The following TXNRD3 variants were observed in gnomAD, a reference collection of about 807,000 sequenced individuals.
The protein encoded by TXNRD3 is thioredoxin reductase 3, also known as TXNRD3 neighbor gene protein.
In TXNRD3, 68 loss-of-function variants were observed where a neutral mutation model predicts 78.2. The ratio of observed to expected loss-of-function variants is 0.87; its 90% CI spans 0.72 to 1.06. The LOEUF (loss-of-function observed/expected upper bound fraction) is 1.06, where lower values mean the gene tolerates loss of function less well. Among genes scored for constraint, TXNRD3 ranks in the 50% least tolerant of loss-of-function variants. The pLI is 0.00. For synonymous variants in TXNRD3, 296 were observed against 300.1 expected (o/e 0.99, Z 0.14); for missense variants, 751 against 809.5 (o/e 0.93, Z 0.88).
intron 1 of TXNRD3, among the ~76,000 whole-genome samples, chr3:126,653,114 A>G (rs1426845487): frequency 6.6e-6 from 1 of 152,210 alleles, no homozygotes; most frequent in African/African-American, 2.4e-5. Context: ...GTTTATTTCA[A>G]TGTTTAATAT....
chr3:126,620,089 A>C (rs1938414220), intron 12 of TXNRD3, among the ~76,000 whole-genome samples: 2 of 152,054 alleles, frequency 1.3e-5, no homozygotes, highest in Admixed American at 1.3e-4. Flanking sequence ...AGGTTAGGAG[A>C]TTGAGACCAT....
Position 126,615,354 on chromosome 3 carries a change from C to A in TXNRD3, c.1632+1G>T. The A allele has an allele frequency of 2.1e-6, 3 of 1,407,376 alleles. No individual in the cohort carries two copies. Among genetic ancestry groups the A allele is most frequent in the South Asian group, 1.4e-5 (1 of 71,730 alleles). 87.2% of individuals were successfully genotyped at this position (1,407,376 alleles called of 1,614,324 possible). ...AAGGAAGTAATAAAACACAATCTTACTTCTAGATTCTCTTTTTTATATACT... is the reference window on the plus strand; with the variant it reads ...AAGGAAGTAATAAAACACAATCTTAATTCTAGATTCTCTTTTTTATATACT... On this transcript the variant is annotated splice_donor_variant, in intron 13 of 15. Transcript: ENST00000524230. LOFTEE classifies it high-confidence loss of function.
intron 6 of TXNRD3, among the ~76,000 whole-genome samples, chr3:126,634,692 C>T (rs567396183): frequency 3.9e-5 from 6 of 152,180 alleles, no homozygotes; most frequent in Non-Finnish European, 8.8e-5. Flanking sequence ...ACCTTGTCTA[C>T]AGATGCCAGA....
intron 12 of TXNRD3, 69 bp downstream of exon 12, chr3:126,621,673 T>A: frequency 7.4e-7 from 1 of 1,344,330 alleles, no homozygotes; most frequent in Non-Finnish European, 9.7e-7. Flanking sequence ...CACACAAGTT[T>A]TACTTGTATT....
chr3:126,648,964 T>C (rs1236480772), intron 1 of TXNRD3, among the ~76,000 whole-genome samples: 5 of 152,170 alleles, frequency 3.3e-5, no homozygotes, highest in African/African-American at 1.2e-4. Flanking sequence ...TGATCACACC[T>C]GTGAATAGCC....
At chr3:126,649,307 T>A (rs557875034) in intron 1 of TXNRD3, among the ~76,000 whole-genome samples, 1 of 152,310 alleles carries the variant, frequency 6.6e-6, no homozygotes, top group African/African-American at 2.4e-5. Flanking sequence ...TTCACATCCA[T>A]TAGGATAAGC....
At chr3:126,647,125 C>T in intron 2 of TXNRD3, 111 bp downstream of exon 2, 1 of 775,548 alleles carries the variant, frequency 1.3e-6, no homozygotes, top group Admixed American at 3.3e-5. Context: ...ACAAAAATGC[C>T]TCATTTAACC....
At position 126,644,419 on chromosome 3, in the gene TXNRD3, G is replaced by C. The variant is rs1416961825; in HGVS notation, c.415-18C>G. 6.6e-7 allele frequency: 1 copy of C among 1,504,916 alleles called. No individual in the cohort carries two copies. Among genetic ancestry groups the C allele is most frequent in the African/African-American group, 1.4e-5 (1 of 72,280 alleles). 93.2% of individuals were successfully genotyped at this position (1,504,916 alleles called of 1,614,324 possible). On this transcript the variant is annotated intron_variant, in intron 3 of 15. Transcript: ENST00000524230. ...TGATATGCCTATGGTTTAATTACAG[G>C]AGAAAGAACACTGCAGAATTTAAAG...
Position 126,655,000 on chromosome 3 carries a change from C to A in TXNRD3, c.-10G>T. On this transcript the variant is annotated 5_prime_UTR_variant, in exon 1 of 16. Transcript: ENST00000524230. ...GCGGCGACCGCTCCAGAGTCTCGCT[C>A]TCGCTCCTGGCCCGGCCGGGCCTGC... 1 of 1,302,566 alleles carries A rather than the reference C, an allele frequency of 7.7e-7. No homozygotes were observed. The highest frequency in any genetic ancestry group is 2.3e-5 in the South Asian group (1 of 43,792). 80.7% of individuals were successfully genotyped at this position (1,302,566 alleles called of 1,614,324 possible). A position where few individuals can be genotyped will look rare whatever the true frequency, so the allele number is the denominator to read the frequency against.
At chr3:126,617,487 T>G (rs1241317030) in intron 12 of TXNRD3, among the ~76,000 whole-genome samples, 1 of 152,164 alleles carries the variant, frequency 6.6e-6, no homozygotes, top group Non-Finnish European at 1.5e-5. Flanking sequence ...ATGCAAGGCC[T>G]TGGCAGGTAC....
chr3:126,637,215 T>G (rs933707542), intron 6 of TXNRD3, among the ~76,000 whole-genome samples: 1 of 152,230 alleles, frequency 6.6e-6, no homozygotes, highest in African/African-American at 2.4e-5. Context: ...ATATTTAACA[T>G]TATGACCACT....
chr3:126,638,213 G>C (rs13314870), intron 6 of TXNRD3, among the ~76,000 whole-genome samples: 89,175 of 151,818 alleles, frequency 0.59, 26,760 homozygotes, highest in Non-Finnish European at 0.65. Flanking sequence ...AAAGGACTGG[G>C]ATTACAGGCG....
chr3:126,631,014 G>C, intron 8 of TXNRD3, 77 bp from the exon 9 acceptor site: 1 of 1,333,244 alleles, frequency 7.5e-7, no homozygotes, highest in East Asian at 2.5e-5. Context: ...GTGTATAATG[G>C]TCTTGTGATG....
rs373529213 is a variant in TXNRD3 at position 126,630,860 on chromosome 3, G to A, written c.1049C>T (p.Ala350Val). Residue 350 changes from alanine to valine, a missense_variant, in exon 9 of 16, where the codon GCA (alanine) becomes GTA (valine). Transcript: ENST00000524230. ...TAGGCCAAAGCCAGCCAGAAACCCT[G>A]CACACTCCAGGGCAACATAAGAGGC... 1.3e-6 allele frequency: 2 copies of A among 1,535,926 alleles called. No homozygotes were observed. The highest frequency in any genetic ancestry group is 8.7e-7 in the Non-Finnish European group (1 of 1,146,844).
At chr3:126,628,224 A>G (rs1283121340) in intron 10 of TXNRD3, among the ~76,000 whole-genome samples, 1 of 152,098 alleles carries the variant, frequency 6.6e-6, no homozygotes, top group African/African-American at 2.4e-5. Flanking sequence ...ATATAACAAA[A>G]CCCTACAGAA....
intron 5 of TXNRD3, 78 bp downstream of exon 5, chr3:126,643,903 G>GT: frequency 7.5e-7 from 1 of 1,334,006 alleles, no homozygotes. Context: ...TGAGATTGTT[G>GT]TGAGGATTAA....
chr3:126,607,174 G>A lies in TXNRD3; in HGVS notation c.*731C>T, dbSNP rs1375913696. The A allele has an allele frequency of 6.6e-6, 1 of 152,150 alleles. No individual in the cohort carries two copies. The highest frequency in any genetic ancestry group is 6.5e-5 in the Admixed American group (1 of 15,276). The allele number at this position is 152,150 out of a possible 1,614,324, so 9.4% of individuals were successfully genotyped here. A position where few individuals can be genotyped will look rare whatever the true frequency, so the allele number is the denominator to read the frequency against. The stretch of plus-strand genomic sequence containing the variant: ...AAACTTTTGGAAATAATACTATTAA[G>A]ATGAACATGAAAAAGCAATTCAAGT... On this transcript the variant is annotated 3_prime_UTR_variant, in exon 16 of 16. Coordinates refer to ENST00000524230, the MANE Select transcript of TXNRD3 (RefSeq NM_052883.3).
chr3:126,637,932 C>CT (rs71615916), intron 6 of TXNRD3, among the ~76,000 whole-genome samples: 1,759 of 60,212 alleles, frequency 0.029, 348 homozygotes, highest in Non-Finnish European at 0.036. Flanking sequence ...ATTTCTCTCT[C>CT]TTTTTTTTTT....
rs924016939 is a variant in TXNRD3 at position 126,629,558 on chromosome 3, C to T, written c.1198-87G>A. On this transcript the variant is annotated intron_variant, in intron 9 of 15. Coordinates refer to ENST00000524230, the MANE Select transcript of TXNRD3 (RefSeq NM_052883.3). Reference sequence around the variant, plus strand: ...GGGTCTACACCGGTATGTTCGTGTACATTTGTGTGTTTGGTGGTGGTACAT... The same window carrying T: ...GGGTCTACACCGGTATGTTCGTGTATATTTGTGTGTTTGGTGGTGGTACAT... The T allele has an allele frequency of 5.8e-6, 6 of 1,030,402 alleles. No homozygotes were observed. In the African/African-American group the frequency reaches 6.5e-5, roughly 11 times the overall value. 63.8% of individuals were successfully genotyped at this position (1,030,402 alleles called of 1,614,324 possible). A position where few individuals can be genotyped will look rare whatever the true frequency, so the allele number is the denominator to read the frequency against.
Sources: allele counts gnomAD v4.1 joint callset (sites outside exome capture counted in the v4.1 genomes callset), GRCh38; gene constraint gnomAD v4.1.1; transcripts MANE v1.5; gene names NCBI Gene and HGNC (gene_info 2026-07-23, HGNC 2026-07-21).